ARHGAP15: variants seen among roughly 807,000 people sequenced by gnomAD.
ARHGAP15 encodes Rho GTPase activating protein 15.
ARHGAP15 carries 51 observed loss-of-function variants against 63.7 expected under a neutral mutation model. That is an observed-to-expected ratio of 0.80 (90% confidence interval 0.64 to 1.01). The LOEUF is 1.01. ARHGAP15 is among the 50% of genes least tolerant of loss of function. The pLI is 0.00. For synonymous variants in ARHGAP15, 191 were observed against 193.8 expected, an observed-to-expected ratio of 0.99 and a Z score of 0.12; for missense variants, 560 against 564.6, an observed-to-expected ratio of 0.99 and a Z score of 0.08.
At chr2:143,737,427 T>C (rs1685788365) in intron 13 of ARHGAP15, among the ~76,000 whole-genome samples, 1 of 152,246 alleles carries the variant, frequency 6.6e-6, no homozygotes, top group African/African-American at 2.4e-5. Context: ...AACCATGTAT[T>C]GGGCAGAGAA....
At chr2:143,688,635 A>C (rs1350060596) in intron 12 of ARHGAP15, among the ~76,000 whole-genome samples, 1 of 152,194 alleles carries the variant, frequency 6.6e-6, no homozygotes, top group Non-Finnish European at 1.5e-5. Flanking sequence ...GCCTTCACGT[A>C]AACTTTTCAA....
chr2:143,316,477 C>A (rs1683715052), intron 6 of ARHGAP15, among the ~76,000 whole-genome samples: 2 of 150,560 alleles, frequency 1.3e-5, no homozygotes, highest in African/African-American at 4.9e-5. Flanking sequence ...AGAGATTTAT[C>A]TTTGCCTGGC....
intron 13 of ARHGAP15, among the ~76,000 whole-genome samples, chr2:143,745,752 A>T (rs950801276): frequency 6.6e-6 from 1 of 152,164 alleles, no homozygotes; most frequent in Non-Finnish European, 1.5e-5. Flanking sequence ...AAGTTACAGG[A>T]AGGAAAAGGT....
At chr2:143,347,382 A>G (rs1374825083) in intron 6 of ARHGAP15, among the ~76,000 whole-genome samples, 1 of 152,162 alleles carries the variant, frequency 6.6e-6, no homozygotes, top group African/African-American at 2.4e-5. Context: ...CAGGTGATAT[A>G]CAGATTGAAA....
chr2:143,300,051 A>T (rs1257925803), intron 6 of ARHGAP15, among the ~76,000 whole-genome samples: 1 of 152,066 alleles, frequency 6.6e-6, no homozygotes, highest in Non-Finnish European at 1.5e-5. Context: ...ACATTTGATA[A>T]ATGAAATATC....
At chr2:143,323,796 G>A (rs1684126978) in intron 6 of ARHGAP15, among the ~76,000 whole-genome samples, 1 of 148,296 alleles carries the variant, frequency 6.7e-6, no homozygotes, top group Non-Finnish European at 1.5e-5. Flanking sequence ...GGGAGGCTGA[G>A]GCCAGAGAAT....
At chr2:143,673,772 A>G (rs1238989613) in intron 12 of ARHGAP15, among the ~76,000 whole-genome samples, 32 of 104,154 alleles carry the variant, frequency 3.1e-4, no homozygotes, top group African/African-American at 9.3e-4. Context: ...ATATATATAT[A>G]TATATATATA....
chr2:143,694,817 G>A (rs1683770737), intron 12 of ARHGAP15, among the ~76,000 whole-genome samples: 1 of 152,118 alleles, frequency 6.6e-6, no homozygotes, highest in South Asian at 2.1e-4. Context: ...CAAAATGAAT[G>A]GTTAAGGATA....
chr2:143,428,562 G>A (rs1008977737), intron 6 of ARHGAP15, among the ~76,000 whole-genome samples: 1 of 151,960 alleles, frequency 6.6e-6, no homozygotes, highest in Admixed American at 6.6e-5. Context: ...TCTCATGAGA[G>A]ATGATGGTAG....
At chr2:143,489,074 T>C (rs998633850) in intron 9 of ARHGAP15, among the ~76,000 whole-genome samples, 8 of 152,170 alleles carry the variant, frequency 5.3e-5, no homozygotes, top group African/African-American at 1.9e-4. Flanking sequence ...TCTTGAAAAA[T>C]ATAAAACCAG....
intron 12 of ARHGAP15, among the ~76,000 whole-genome samples, chr2:143,698,986 G>A (rs1683968113): frequency 2.0e-5 from 3 of 152,118 alleles, no homozygotes; most frequent in African/African-American, 7.2e-5. Context: ...AATAGAAAAT[G>A]CTGTCTTTCA....
chr2:143,496,450 T>C (rs947103251), intron 9 of ARHGAP15, among the ~76,000 whole-genome samples: 5 of 152,162 alleles, frequency 3.3e-5, no homozygotes, highest in African/African-American at 1.2e-4. Context: ...AATGATAAAT[T>C]GGTTTCCCTG....
chr2:143,402,857 C>T (rs565643809), intron 6 of ARHGAP15, among the ~76,000 whole-genome samples: 1 of 151,646 alleles, frequency 6.6e-6, no homozygotes, highest in African/African-American at 2.4e-5. Flanking sequence ...TTTGGGACTT[C>T]GATGAAAATT....
intron 6 of ARHGAP15, among the ~76,000 whole-genome samples, chr2:143,328,808 C>G (rs1684375417): frequency 6.6e-6 from 1 of 152,108 alleles, no homozygotes; most frequent in Non-Finnish European, 1.5e-5. Context: ...ATTTATTGTA[C>G]ATTTTAAAAT....
intron 12 of ARHGAP15, among the ~76,000 whole-genome samples, chr2:143,679,931 A>G (rs1266104632): frequency 6.6e-6 from 1 of 151,178 alleles, no homozygotes; most frequent in African/African-American, 2.4e-5. Context: ...ACATTGATGA[A>G]TTGAGTTTTT....
intron 11 of ARHGAP15, chr2:143,606,902 TAAAC>T (rs1698059802): frequency 6.6e-6 from 1 of 152,194 alleles, no homozygotes; most frequent in African/African-American, 2.4e-5. Context: ...AGGGGAAAGT[TAAAC>T]AATATTTGGA....
intron 9 of ARHGAP15, among the ~76,000 whole-genome samples, chr2:143,500,625 T>A (rs573538833): frequency 6.6e-6 from 1 of 152,172 alleles, no homozygotes; most frequent in Non-Finnish European, 1.5e-5. Context: ...AAATGTGTTA[T>A]ATATTTATTT....
intron 8 of ARHGAP15, among the ~76,000 whole-genome samples, chr2:143,438,345 T>G (rs1689709102): frequency 6.6e-6 from 1 of 151,842 alleles, no homozygotes; most frequent in Non-Finnish European, 1.5e-5. Context: ...AAGAAATATA[T>G]GTATATACAC....
At chr2:143,583,124 A>G (rs933658282) in intron 11 of ARHGAP15, among the ~76,000 whole-genome samples, 4 of 152,218 alleles carry the variant, frequency 2.6e-5, no homozygotes, top group African/African-American at 4.8e-5. Flanking sequence ...TATAAGTGCC[A>G]TTGTTAAGAG....
Sources: gnomAD v4.1 joint callset for allele counts (sites outside exome capture counted in the v4.1 genomes callset) on GRCh38, gnomAD v4.1.1 for gene constraint, MANE v1.5 for transcripts, NCBI Gene and HGNC (gene_info 2026-07-23, HGNC 2026-07-21) for gene names.